Variants in SLC9A9 observed in about 807,000 individuals in gnomAD.
SLC9A9 encodes sodium/hydrogen exchanger 9.
Under a neutral mutation model 77.8 loss-of-function variants are expected in SLC9A9, and 62 were observed. The ratio of observed to expected loss-of-function variants is 0.80; its 90% confidence interval spans 0.65 to 0.98. The LOEUF (loss-of-function observed/expected upper bound fraction) is 0.98. Ranked by LOEUF, SLC9A9 falls within the 50% of genes least tolerant of loss-of-function variation. The probability of loss-of-function intolerance (pLI) is 0.00; values close to 1 mark genes in which losing one functional copy is unlikely to be tolerated. For missense variants in SLC9A9, 775 were observed against 774.9 expected, an observed-to-expected ratio of 1.00 and a Z score of 0.00; for synonymous variants, 320 against 283.5, an observed-to-expected ratio of 1.13 and a Z score of -1.29.
At chr3:143,657,440 T>C (rs2038909582) in intron 5 of SLC9A9, among the ~76,000 whole-genome samples, 1 of 152,216 alleles carries the variant, frequency 6.6e-6, no homozygotes, top group Non-Finnish European at 1.5e-5. Context: ...AACAAGCTCT[T>C]ATGCCCCAGA....
At chr3:143,405,780 G>A (rs2033964587) in intron 12 of SLC9A9, among the ~76,000 whole-genome samples, 3 of 152,158 alleles carry the variant, frequency 2.0e-5, no homozygotes, top group Admixed American at 2.0e-4. Context: ...TGGGAGTAGT[G>A]TTTTCATAAC....
chr3:143,658,783 G>C (rs954266801), intron 5 of SLC9A9, among the ~76,000 whole-genome samples: 1 of 152,130 alleles, frequency 6.6e-6, no homozygotes, highest in Non-Finnish European at 1.5e-5. Flanking sequence ...TAACCAGAAG[G>C]TCATGCAGTT....
chr3:143,669,745 T>C (rs2039129642), intron 5 of SLC9A9, among the ~76,000 whole-genome samples: 1 of 152,224 alleles, frequency 6.6e-6, no homozygotes, highest in African/African-American at 2.4e-5. Context: ...GCAAATGAAC[T>C]TGGTGATCTT....
intron 11 of SLC9A9, among the ~76,000 whole-genome samples, chr3:143,488,499 C>CA (rs934520360): frequency 6.6e-6 from 1 of 151,806 alleles, no homozygotes; most frequent in Non-Finnish European, 1.5e-5. Context: ...AAATTCTCAA[C>CA]AAAAAACTAG....
chr3:143,747,586 A>G (rs138059010), intron 4 of SLC9A9, among the ~76,000 whole-genome samples: 1 of 152,134 alleles, frequency 6.6e-6, no homozygotes, highest in African/African-American at 2.4e-5. Flanking sequence ...AGGTGAAGCA[A>G]AGAGGGATTT....
intron 14 of SLC9A9, among the ~76,000 whole-genome samples, chr3:143,306,038 A>G (rs939197241): frequency 3.3e-5 from 5 of 152,120 alleles, no homozygotes; most frequent in African/African-American, 1.2e-4. Context: ...TGACCTGAAA[A>G]ATCATAAAAA....
At chr3:143,498,489 C>T (rs181055336) in intron 9 of SLC9A9, among the ~76,000 whole-genome samples, 26 of 150,092 alleles carry the variant, frequency 1.7e-4, no homozygotes, top group African/African-American at 4.7e-4. Flanking sequence ...AGGAGGTGGA[C>T]GCTGCAGTGA....
At chr3:143,603,479 C>A (rs1177433841) in intron 6 of SLC9A9, among the ~76,000 whole-genome samples, 2 of 152,200 alleles carry the variant, frequency 1.3e-5, no homozygotes, top group African/African-American at 4.8e-5. Context: ...CACAATATTT[C>A]TCTTGAATTA....
At chr3:143,358,970 A>T (rs2032666437) in intron 14 of SLC9A9, among the ~76,000 whole-genome samples, 1 of 152,222 alleles carries the variant, frequency 6.6e-6, no homozygotes, top group Non-Finnish European at 1.5e-5. Context: ...CAGCTCAAGC[A>T]ATAGGGATTT....
chr3:143,457,600 T>A (rs542703086), intron 12 of SLC9A9, among the ~76,000 whole-genome samples: 2 of 152,320 alleles, frequency 1.3e-5, no homozygotes, highest in South Asian at 4.1e-4. Flanking sequence ...TTCAGTGCTA[T>A]ACATTTCTTT....
chr3:143,627,733 C>G (rs2038356880), intron 6 of SLC9A9: 1 of 153,594 alleles, frequency 6.5e-6, no homozygotes, highest in African/African-American at 2.4e-5. Flanking sequence ...CCCTCCCGCT[C>G]CTTTTCATTG....
At chr3:143,597,139 G>A (rs2037766656) in intron 6 of SLC9A9, among the ~76,000 whole-genome samples, 1 of 152,222 alleles carries the variant, frequency 6.6e-6, no homozygotes, top group South Asian at 2.1e-4. Flanking sequence ...ATATCCAGGC[G>A]AGTATGAGTC....
chr3:143,346,552 T>C (rs2032278405), intron 14 of SLC9A9, among the ~76,000 whole-genome samples: 1 of 152,094 alleles, frequency 6.6e-6, no homozygotes, highest in African/African-American at 2.4e-5. Context: ...TTTGGGAGGC[T>C]GAGTCGGGGG....
At chr3:143,401,786 A>G (rs1425241753) in intron 12 of SLC9A9, among the ~76,000 whole-genome samples, 2 of 152,184 alleles carry the variant, frequency 1.3e-5, no homozygotes, top group Non-Finnish European at 2.9e-5. Flanking sequence ...ATCATAAGAT[A>G]TAGTAGGACC....
intron 8 of SLC9A9, among the ~76,000 whole-genome samples, chr3:143,554,641 C>G (rs1282035846): frequency 6.6e-6 from 1 of 152,202 alleles, no homozygotes; most frequent in Non-Finnish European, 1.5e-5. Flanking sequence ...TTGCTCAAAA[C>G]TTTGTAATGG....
chr3:143,329,653 C>A (rs2031706212), intron 14 of SLC9A9, among the ~76,000 whole-genome samples: 1 of 152,174 alleles, frequency 6.6e-6, no homozygotes, highest in South Asian at 2.1e-4. Context: ...GAAGTGCTCG[C>A]CTCTCTGGCA....
intron 4 of SLC9A9, among the ~76,000 whole-genome samples, chr3:143,744,350 C>T (rs1935154172): frequency 1.3e-5 from 2 of 152,250 alleles, no homozygotes; most frequent in South Asian, 4.2e-4. Flanking sequence ...AGACATCCCT[C>T]GTGGTGCCTC....
At chr3:143,777,464 A>G (rs186778680) in intron 4 of SLC9A9, among the ~76,000 whole-genome samples, 215 of 152,310 alleles carry the variant, frequency 1.4e-3, no homozygotes, top group African/African-American at 5.0e-3. Flanking sequence ...TAGAATTAAG[A>G]TTTGTTCTGA....
intron 11 of SLC9A9, among the ~76,000 whole-genome samples, chr3:143,486,699 G>C (rs2035657694): frequency 6.6e-6 from 1 of 151,942 alleles, no homozygotes; most frequent in African/African-American, 2.4e-5. Context: ...TGTTAAGCTG[G>C]GGTAAATTTA....
Sources: gnomAD v4.1 joint callset for allele counts (sites outside exome capture counted in the v4.1 genomes callset) on GRCh38, gnomAD v4.1.1 for gene constraint, MANE v1.5 for transcripts, NCBI Gene and HGNC (gene_info 2026-07-23, HGNC 2026-07-21) for gene names.